Variants in EXPH5 observed in about 807,000 individuals in gnomAD.
The protein encoded by EXPH5 is exophilin-5.
A neutral mutation model predicts 41.1 loss-of-function variants in EXPH5; 42 were observed. That is an observed-to-expected ratio of 1.02 (90% CI 0.80 to 1.32). The LOEUF is 1.32. Among genes scored for constraint, EXPH5 ranks in the 40% most tolerant of loss-of-function variants. The pLI is 0.00. For missense variants in EXPH5, 2,298 were observed against 2,314.5 expected (o/e 0.99, Z 0.15); for synonymous variants, 798 against 833.5 (o/e 0.96, Z 0.73).
At chr11:108,600,773 T>C in the EXPH5 span, among the ~76,000 whole-genome samples, 1 of 152,220 alleles carries the variant, frequency 6.6e-6, no homozygotes, top group African/African-American at 2.4e-5. Context: ...CCATACACAT[T>C]TTAGGATTCT....
In EXPH5 at chr11:108,510,836, A is replaced by G; in HGVS notation, c.4671T>C (p.Asp1557=). ...ANMTESRKAE[D]EMQKSAWDQP... ...GATCCCAAGCTGACTTCTGCATTTC[A>G]TCTTCAGCCTTCCTGCTCTCTGTCA... The change falls in exon 6 of 6, where the codon GAT becomes GAC. Residue 1557 remains aspartate (D), a synonymous_variant. Transcript: ENST00000265843. 1 of 1,614,076 alleles carries G rather than the reference A, an allele frequency of 6.2e-7. No individual in the cohort carries two copies. The highest frequency in any genetic ancestry group is 8.5e-7 in the Non-Finnish European group (1 of 1,180,020).
At chr11:108,603,441 A>G in the EXPH5 span, among the ~76,000 whole-genome samples, 1 of 152,216 alleles carries the variant, frequency 6.6e-6, no homozygotes, top group East Asian at 1.9e-4. Context: ...AATCCTAGCT[A>G]CTCAGGAGGA....
intron 4 of EXPH5, among the ~76,000 whole-genome samples, chr11:108,518,975 G>A (rs1413249078): frequency 6.6e-6 from 1 of 152,164 alleles, no homozygotes; most frequent in Non-Finnish European, 1.5e-5. Context: ...AAAAGGGGAG[G>A]CATGAATAAC....
At chr11:108,527,218 G>A (rs2093805741) in intron 4 of EXPH5, among the ~76,000 whole-genome samples, 1 of 152,070 alleles carries the variant, frequency 6.6e-6, no homozygotes, top group South Asian at 2.1e-4. Context: ...TAATTGGGAG[G>A]TTAAAGCAGG....
rs376069625 is a variant in EXPH5 at position 108,551,627 on chromosome 11, G to A, written c.120-9815C>T. 4.6e-5 allele frequency among the ~76,000 whole-genome samples: 7 copies of A among 151,468 alleles called. No homozygotes were observed. The East Asian group carries it at 7.8e-4, about 17-fold the overall frequency. The stretch of plus-strand genomic sequence containing the variant: ...GGACCTGACCGTCTTGTTACACCTC[G>A]TTCTCCTTCCAGGCAGCTAAGCACC... On this transcript the variant is annotated intron_variant, in intron 1 of 5. Coordinates refer to ENST00000265843, the MANE Select transcript of EXPH5 (RefSeq NM_015065.3).
At chr11:108,590,695 T>G (rs1024281971) in intron 1 of EXPH5, among the ~76,000 whole-genome samples, 1 of 152,210 alleles carries the variant, frequency 6.6e-6, no homozygotes, top group Non-Finnish European at 1.5e-5. Context: ...TGTGTCACTC[T>G]GGTTGGAGTG....
chr11:108,555,635 G>A (rs1397409654), intron 1 of EXPH5, among the ~76,000 whole-genome samples: 2 of 152,152 alleles, frequency 1.3e-5, no homozygotes, highest in Admixed American at 6.5e-5. Flanking sequence ...TAATCCCCAC[G>A]TGTTGGGGGT....
At position 108,510,647 on chromosome 11, in the gene EXPH5, G is replaced by T; in HGVS notation, c.4860C>A (p.Phe1620Leu). The T allele has an allele frequency of 1.2e-6, 2 of 1,614,182 alleles. No homozygotes were observed. The highest frequency in any genetic ancestry group is 1.7e-6 in the Non-Finnish European group (2 of 1,180,042). ...VSPRRHVATI[F>L]PQSGSRSGFD... ...AGCCAGATCTGCTTCCACTTTGGGG[G>T]AAGATAGTAGCTACATGTCTTCTGG... The change falls in exon 6 of 6, where the codon TTC (phenylalanine) becomes TTA (leucine). Residue 1620 changes from phenylalanine (F) to leucine (L), a missense_variant. Phe to Leu is a conservative substitution (Grantham distance 22). Transcript: ENST00000265843.
At chr11:108,548,263 G>A (rs931537810) in intron 1 of EXPH5, among the ~76,000 whole-genome samples, 1 of 150,626 alleles carries the variant, frequency 6.6e-6, no homozygotes, top group African/African-American at 2.4e-5. Context: ...TTATTGTGAT[G>A]AGATTGACTT....
the EXPH5 span, among the ~76,000 whole-genome samples, chr11:108,604,071 T>C: frequency 6.6e-6 from 1 of 151,904 alleles, no homozygotes. Flanking sequence ...TTTTTAAGGG[T>C]AGGCAGTTGG....
intron 4 of EXPH5, among the ~76,000 whole-genome samples, chr11:108,522,309 T>C (rs1435537604): frequency 1.3e-5 from 2 of 152,166 alleles, no homozygotes; most frequent in South Asian, 2.1e-4. Flanking sequence ...TGAGATATTA[T>C]TATTATTGTT....
chr11:108,523,854 AGAGT>A (rs1258178563), intron 4 of EXPH5, among the ~76,000 whole-genome samples: 11 of 152,284 alleles, frequency 7.2e-5, no homozygotes, highest in African/African-American at 2.6e-4. Context: ...CCTGGGTGAC[AGAGT>A]GAGACTCCAT....
chr11:108,514,128 G>C lies in EXPH5; in HGVS notation c.1379C>G (p.Ser460Cys). The C allele has an allele frequency of 6.2e-7, 1 of 1,613,764 alleles. No individual in the cohort carries two copies. Among genetic ancestry groups the C allele is most frequent in the Non-Finnish European group, 8.5e-7 (1 of 1,179,866 alleles). The change falls in exon 6 of 6, where the codon TCT becomes TGT. Residue 460 changes from serine to cysteine, a missense_variant. By Grantham distance (112) the Ser-to-Cys change is moderately radical. Coordinates refer to ENST00000265843, the MANE Select transcript of EXPH5 (RefSeq NM_015065.3). ...TCGTCCAAAGGTATTGCTGAAGAAA[G>C]ATCTGGTAAATGTGTTGCTTTGATG... ...FYHQSNTFTR[S>C]FFSNTFGRSG...
intron 4 of EXPH5, among the ~76,000 whole-genome samples, chr11:108,524,067 T>C (rs1180390189): frequency 6.8e-6 from 1 of 147,450 alleles, no homozygotes; most frequent in Non-Finnish European, 1.5e-5. Context: ...GGATTACTAA[T>C]ATATATTATT....
upstream of EXPH5, among the ~76,000 whole-genome samples, chr11:108,596,762 G>A (rs2094139380): frequency 6.6e-6 from 1 of 152,164 alleles, no homozygotes; most frequent in Non-Finnish European, 1.5e-5. Flanking sequence ...CCTGGGTTGT[G>A]GCACAATGGG....
In EXPH5 at chr11:108,532,109, T is replaced by C. The variant is rs552460025; in HGVS notation, c.444-3925A>G. 1.7e-4 allele frequency among the ~76,000 whole-genome samples: 26 copies of C among 151,622 alleles called. No homozygotes were observed. The South Asian group carries it at 4.4e-3, about 25-fold the overall frequency. On this transcript the variant is annotated intron_variant, in intron 3 of 5. Transcript: ENST00000265843. ...AAGTTGAAACTTTTTTCTGCATTCA[T>C]AAAGCCCTGTATGATCTAGTTCCTA...
In EXPH5 at chr11:108,528,167, C is replaced by T; in HGVS notation, c.461G>A (p.Gly154Glu). The part of the protein sequence containing the change: ...LGQKGCDGHA[G>E]PPMPVRGAAV... ...AGCTCCCCTCACAGGCATAGGAGGTCCTGCATGGCCATCACATCTGTGGAA... is the reference window on the plus strand; with the variant it reads ...AGCTCCCCTCACAGGCATAGGAGGTTCTGCATGGCCATCACATCTGTGGAA... Residue 154 changes from glycine (G) to glutamate (E), a missense_variant, in exon 4 of 6, where the codon GGA (glycine) becomes GAA (glutamate). Transcript: ENST00000265843. The T allele has an allele frequency of 4.3e-6, 7 of 1,610,948 alleles. No individual in the cohort carries two copies. The highest frequency in any genetic ancestry group is 1.7e-4 in the Middle Eastern group (1 of 6,056).
At position 108,511,786 on chromosome 11, in the gene EXPH5, C is replaced by T; in HGVS notation, c.3721G>A (p.Glu1241Lys). Residue 1241 changes from glutamate to lysine, a missense_variant, in exon 6 of 6, where the codon GAA becomes AAA. By Grantham distance (56) the Glu-to-Lys change is moderately conservative (BLOSUM62 1). Coordinates refer to ENST00000265843, the MANE Select transcript of EXPH5 (RefSeq NM_015065.3). ...ACCTCCAGACATTTTACATTATCTT[C>T]ATCACCAGAAACAGAAAACGTACTA... The part of the protein sequence containing the change: ...TTSTFSVSGD[E>K]DNVKCLEVVS... 6.2e-7 allele frequency: 1 copy of T among 1,609,920 alleles called. No individual in the cohort carries two copies. The highest frequency in any genetic ancestry group is 8.5e-7 in the Non-Finnish European group (1 of 1,179,064).
upstream of EXPH5, among the ~76,000 whole-genome samples, chr11:108,594,634 G>T (rs2094136048): frequency 6.6e-6 from 1 of 151,668 alleles, no homozygotes; most frequent in Non-Finnish European, 1.5e-5. Flanking sequence ...TTTTTATCTT[G>T]GCTTCACTTC....
Sources: gnomAD v4.1 joint callset for allele counts (sites outside exome capture counted in the v4.1 genomes callset) on GRCh38, gnomAD v4.1.1 for gene constraint, MANE v1.5 for transcripts, NCBI Gene and HGNC (gene_info 2026-07-23, HGNC 2026-07-21) for gene names.